The following LZTR1 variants were observed in gnomAD, a reference collection of about 807,000 sequenced individuals.
LZTR1 encodes the protein leucine-zipper-like transcriptional regulator 1.
In LZTR1, 260 loss-of-function variants were observed where a neutral mutation model predicts 105.7. That is an observed-to-expected ratio of 2.46 (90% CI 2.22 to 2.72). The LOEUF (loss-of-function observed/expected upper bound fraction) is 2.72, where lower values mean the gene tolerates loss of function less well. Ranked by LOEUF, LZTR1 falls within the 30% of genes most tolerant of loss-of-function variation. The probability of loss-of-function intolerance (pLI) is 0.00; values close to 1 mark genes in which losing one functional copy is unlikely to be tolerated. For missense variants in LZTR1, 1,214 were observed against 1,166.9 expected (o/e 1.04, Z -0.59); for synonymous variants, 490 against 476.4 (o/e 1.03, Z -0.37).
chr22:20,982,683 G>T (rs1173506994), intron 1 of LZTR1, 112 bp downstream of exon 1: 3 of 1,043,448 alleles, frequency 2.9e-6, no homozygotes, highest in Non-Finnish European at 2.9e-6. Flanking sequence ...ATCTGGTAAT[G>T]AGGTGGATGG....
chr22:20,982,979 C>G, intron 1 of LZTR1, 48 bp from the exon 2 acceptor site: 2 of 1,543,920 alleles, frequency 1.3e-6, no homozygotes, highest in Non-Finnish European at 1.8e-6. Context: ...CCTTGGGTGC[C>G]CCCCAGGAGG....
intron 16 of LZTR1, 193 bp from the exon 17 acceptor site, chr22:20,995,553 A>G: frequency 1.3e-6 from 1 of 743,432 alleles, no homozygotes; most frequent in East Asian, 2.5e-5. Context: ...CGTGGGGCAT[A>G]GTGCTTGAGT....
In LZTR1 at chr22:20,994,739, G is replaced by T; in HGVS notation, c.1785+12G>T. ...TGAGCCAACTCAAGGTGTGGGGTGGGGTCAGCGCAATCAGGGTTGGGTGGG... is the reference window on the plus strand; with the variant it reads ...TGAGCCAACTCAAGGTGTGGGGTGGTGTCAGCGCAATCAGGGTTGGGTGGG... On this transcript the variant is annotated intron_variant, in intron 15 of 20. Transcript: ENST00000646124. The T allele has an allele frequency of 6.2e-7, 1 of 1,610,562 alleles. No individual in the cohort carries two copies. Among genetic ancestry groups the T allele is most frequent in the South Asian group, 1.1e-5 (1 of 91,058 alleles).
rs977242987 is a variant in LZTR1 at position 20,999,018 on chromosome 22, G to A, written c.*1670G>A. ...GAATAAATGAAATTACATGCCAAGG[G>A]CCCTAAAAAGCAAATTTTACGAAAT... On this transcript the variant is annotated 3_prime_UTR_variant, in exon 21 of 21. Coordinates refer to ENST00000646124, the MANE Select transcript of LZTR1 (RefSeq NM_006767.4). 5 of 152,222 alleles carry A rather than the reference G, an allele frequency of 3.3e-5. No homozygotes were observed. Among genetic ancestry groups the A allele is most frequent in the African/African-American group, 1.2e-4 (5 of 41,450 alleles). 9.4% of individuals were successfully genotyped at this position (152,222 alleles called of 1,614,324 possible).
At chr22:20,984,400 C>T (rs1480902118) in intron 2 of LZTR1, among the ~76,000 whole-genome samples, 1 of 152,208 alleles carries the variant, frequency 6.6e-6, no homozygotes, top group Non-Finnish European at 1.5e-5. Context: ...GTGTCCAGTA[C>T]AAGGCAGCAA....
At position 20,995,620 on chromosome 22, in the gene LZTR1, G is replaced by A. The variant is rs1924806480; in HGVS notation, c.1943-126G>A. The A allele has an allele frequency of 6.0e-6, 7 of 1,175,878 alleles. No individual in the cohort carries two copies. In the South Asian group the frequency reaches 9.5e-5, roughly 16 times the overall value. 72.8% of individuals were successfully genotyped at this position (1,175,878 alleles called of 1,614,324 possible). ...GCTGATGGTACCTCAGGGCGAGTGA[G>A]GCCTTCTGCCTGGGTGAAGTTTTGT... On this transcript the variant is annotated intron_variant, in intron 16 of 20. Transcript: ENST00000646124.
Position 20,998,715 on chromosome 22 carries a change from G to C in LZTR1, c.*1367G>C, listed in dbSNP as rs1197808179. On this transcript the variant is annotated 3_prime_UTR_variant, in exon 21 of 21. Coordinates refer to ENST00000646124, the MANE Select transcript of LZTR1 (RefSeq NM_006767.4). ...CTGAGCCGGGAGGCCCTTGAGGTGAGGACACAGCAGGCCCAGGACCATGGC... is the reference window on the plus strand; with the variant it reads ...CTGAGCCGGGAGGCCCTTGAGGTGACGACACAGCAGGCCCAGGACCATGGC... The C allele has an allele frequency of 6.5e-6, 1 of 152,742 alleles. No individual in the cohort carries two copies. Among genetic ancestry groups the C allele is most frequent in the African/African-American group, 2.4e-5 (1 of 41,464 alleles). 9.5% of individuals were successfully genotyped at this position (152,742 alleles called of 1,614,324 possible).
At position 20,995,825 on chromosome 22, in the gene LZTR1, C is replaced by T. The variant is rs145303406; in HGVS notation, c.2022C>T (p.Asp674=). ...AEFCDITLLL[D]GHPRPAHKAI... is the part of the protein sequence containing the mutation. ...TCTGTGACATCACTCTGTTGCTTGA[C>T]GGGCACCCACGGCCAGCCCACAAGG... The change falls in exon 17 of 21, where the codon GAC becomes GAT. Residue 674 remains aspartate (D), a synonymous_variant. Transcript: ENST00000646124. 345 of 1,613,312 alleles carry T rather than the reference C, an allele frequency of 2.1e-4. 1 individual carries two copies. The East Asian group carries it at 4.0e-3, about 19-fold the overall frequency.
At chr22:20,988,270 G>A in intron 5 of LZTR1, 152 bp downstream of exon 5, 1 of 617,558 alleles carries the variant, frequency 1.6e-6, no homozygotes, top group Non-Finnish European at 2.9e-6. Context: ...GTGCAGCTAT[G>A]CATGGCCTGC....
intron 6 of LZTR1, 132 bp downstream of exon 6, chr22:20,989,004 G>A: frequency 1.3e-6 from 1 of 752,634 alleles, no homozygotes; most frequent in South Asian, 1.6e-5. Context: ...ACTCTGTCTG[G>A]GGGTTTCTTG....
Position 20,994,736 on chromosome 22 carries a change from T to G in LZTR1, c.1785+9T>G, listed in dbSNP as rs1397686432. 1.9e-6 allele frequency: 3 copies of G among 1,610,658 alleles called. No individual in the cohort carries two copies. Among genetic ancestry groups the G allele is most frequent in the Non-Finnish European group, 1.7e-6 (2 of 1,179,854 alleles). On this transcript the variant is annotated intron_variant, in intron 15 of 20. Coordinates refer to ENST00000646124, the MANE Select transcript of LZTR1 (RefSeq NM_006767.4). ...AGCTGAGCCAACTCAAGGTGTGGGG[T>G]GGGGTCAGCGCAATCAGGGTTGGGT...
chr22:20,995,756 GATCCAGGA>G lies in LZTR1; in HGVS notation c.1954_1961del (p.Ile652HisfsTer14). The G allele has an allele frequency of 6.2e-7, 1 of 1,613,588 alleles. No homozygotes were observed. Among genetic ancestry groups the G allele is most frequent in the Non-Finnish European group, 8.5e-7 (1 of 1,180,002 alleles). ...CCCTCCTACCCCCAGGCACATCTCT[GATCCAGGA>G]CATGAAGGCATACCTGGAGGGAGCG... is the stretch of plus-strand genomic sequence containing the variant. On this transcript the variant is annotated frameshift_variant, in exon 17 of 21. Transcript: ENST00000646124. LOFTEE classifies it high-confidence loss of function.
intron 5 of LZTR1, among the ~76,000 whole-genome samples, chr22:20,988,403 A>G (rs572800535): frequency 6.6e-6 from 1 of 152,282 alleles, no homozygotes; most frequent in East Asian, 1.9e-4. Context: ...CCATGACTTC[A>G]AGGCTGCAGT....
rs545060678 is a variant in LZTR1, at chr22:20,982,807, G to A, written c.201-220G>A. ...TTGTGTTTGTGGATATTGGGCTGGG[G>A]TCCCAGGTGCTCTGAGGTGGGGTGA... On this transcript the variant is annotated intron_variant, in intron 1 of 20. Transcript: ENST00000646124. Among the ~76,000 whole-genome samples, 8 of 152,332 alleles carry A rather than the reference G, an allele frequency of 5.3e-5. No individual in the cohort carries two copies. The South Asian group carries it at 1.2e-3, about 24-fold the overall frequency.
intron 14 of LZTR1, 108 bp downstream of exon 14, chr22:20,994,377 TCA>T: frequency 7.3e-7 from 1 of 1,362,104 alleles, no homozygotes; most frequent in East Asian, 2.4e-5. Flanking sequence ...CCCCTGAGGC[TCA>T]GAGGCTGCAG....
chr22:20,982,978 C>T (rs745607676), intron 1 of LZTR1, 49 bp from the exon 2 acceptor site: 15 of 1,535,856 alleles, frequency 9.8e-6, no homozygotes, highest in Admixed American at 3.3e-5. Flanking sequence ...TCCTTGGGTG[C>T]CCCCCAGGAG....
chr22:20,988,861 C>T lies in LZTR1; in HGVS notation c.582C>T (p.Asp194=), dbSNP rs753897372. The T allele has an allele frequency of 1.9e-5, 31 of 1,613,960 alleles. No homozygotes were observed. The highest frequency in any genetic ancestry group is 1.7e-4 in the Middle Eastern group (1 of 6,056). The change falls in exon 6 of 21, where the codon GAC becomes GAT. Residue 194 remains aspartate (D), a synonymous_variant. Coordinates refer to ENST00000646124, the MANE Select transcript of LZTR1 (RefSeq NM_006767.4). ...SDKLWIFAGY[D]GNARLNDMWT... ...AGCTGTGGATCTTTGCTGGCTATGA[C>T]GGCAACGCCAGGTGGGTGGTGGTCC...
At position 20,984,085 on chromosome 22, in the gene LZTR1, C is replaced by T. The variant is rs900058152; in HGVS notation, c.263+996C>T. Among the ~76,000 whole-genome samples the T allele has an allele frequency of 4.6e-5, 7 of 152,346 alleles. 1 individual carries two copies. The East Asian group carries it at 1.2e-3, about 25-fold the overall frequency. On this transcript the variant is annotated intron_variant, in intron 2 of 20. Transcript: ENST00000646124. Reference sequence around the variant, plus strand: ...TGCACTGCCCATTCTCTCCTCTCACCTTCCTGCCCCTCCTCTGATGTTTCT... The same window carrying T: ...TGCACTGCCCATTCTCTCCTCTCACTTTCCTGCCCCTCCTCTGATGTTTCT...
Position 20,996,718 on chromosome 22 carries a change from T to G in LZTR1, c.2242T>G (p.Tyr748Asp). Residue 748 changes from tyrosine (Y) to aspartate (D), a missense_variant, in exon 19 of 21, where the codon TAC (tyrosine) becomes GAC (aspartate). By Grantham distance (160) the Tyr-to-Asp change is radical. Transcript: ENST00000646124. Reference protein sequence around the residue: ...DSLYLFAAPYYYGFYNNRLQA... With the variant: ...DSLYLFAAPYDYGFYNNRLQA... Reference sequence around the variant, plus strand: ...CAGCTACTTGTTTGCGGCCCCCTACTACTACGGCTTCTACAACAACCGGCT... The same window carrying G: ...CAGCTACTTGTTTGCGGCCCCCTACGACTACGGCTTCTACAACAACCGGCT... 1 of 1,613,570 alleles carries G rather than the reference T, an allele frequency of 6.2e-7. No homozygotes were observed. The highest frequency in any genetic ancestry group is 8.5e-7 in the Non-Finnish European group (1 of 1,179,952).
Sources: gnomAD v4.1 joint callset for allele counts (sites outside exome capture counted in the v4.1 genomes callset) on GRCh38, gnomAD v4.1.1 for gene constraint, MANE v1.5 for transcripts, NCBI Gene and HGNC (gene_info 2026-07-23, HGNC 2026-07-21) for gene names.